Variants in LOC128092252 observed in about 807,000 individuals in gnomAD.
the LOC128092252 span, among the ~76,000 whole-genome samples, chr15:50,680,069 G>A: frequency 1.3e-5 from 2 of 151,606 alleles, no homozygotes; most frequent in East Asian, 3.9e-4. Flanking sequence ...CCCTGTCTCT[G>A]CTAAAAATAC....
At chr15:50,668,341 CTTTAT>C in the LOC128092252 span, among the ~76,000 whole-genome samples, 6 of 152,106 alleles carry the variant, frequency 3.9e-5, no homozygotes, top group African/African-American at 1.2e-4. Context: ...GTCGCTGATC[CTTTAT>C]TTTGTTTTGC....
chr15:50,683,587 A>T, the LOC128092252 span, among the ~76,000 whole-genome samples: 13 of 152,280 alleles, frequency 8.5e-5, no homozygotes, highest in East Asian at 2.3e-3. Flanking sequence ...TACAAAAATT[A>T]GCCGGGTGTG....
At chr15:50,652,529 A>C in the LOC128092252 span, among the ~76,000 whole-genome samples, 1 of 150,954 alleles carries the variant, frequency 6.6e-6, no homozygotes, top group South Asian at 2.1e-4. Flanking sequence ...CTGTCTCAAA[A>C]AAAAAAAAAA....
the LOC128092252 span, among the ~76,000 whole-genome samples, chr15:50,666,475 G>A: frequency 7.3e-4 from 110 of 151,400 alleles, no homozygotes; most frequent in African/African-American, 2.6e-3. Flanking sequence ...GGAGGAAGAG[G>A]AAGAAGAGGA....
At chr15:50,682,173 C>CAAAAAAAAAAAAAAAAAAAAAAAAAAAA in the LOC128092252 span, among the ~76,000 whole-genome samples, 1 of 63,680 alleles carries the variant, frequency 1.6e-5, no homozygotes, top group Non-Finnish European at 2.8e-5. Context: ...AACTCAGTCT[C>CAAAAAAAAAAAAAAAAAAAAAAAAAAAA]AAAAAAAAAA....
chr15:50,675,396 T>C, the LOC128092252 span, among the ~76,000 whole-genome samples: 2 of 152,034 alleles, frequency 1.3e-5, no homozygotes, highest in African/African-American at 4.8e-5. Context: ...TTCACCAATT[T>C]TGTTTATTTC....
chr15:50,657,656 AG>A, the LOC128092252 span: 1 of 792,926 alleles, frequency 1.3e-6, no homozygotes. Context: ...TTCCAAGTCT[AG>A]GTAAAGTACC....
At chr15:50,659,179 C>T in the LOC128092252 span, among the ~76,000 whole-genome samples, 26,984 of 146,884 alleles carry the variant, frequency 0.18, 3,153 homozygotes, top group East Asian at 0.47. Context: ...GATGACAGAG[C>T]GAGACTCCGT....
the LOC128092252 span, chr15:50,648,944 G>T: frequency 7.3e-6 from 10 of 1,362,922 alleles, no homozygotes; most frequent in South Asian, 3.1e-5. Context: ...ATGAAAAAAT[G>T]GAATTAAAAG....
At chr15:50,657,336 A>C in the LOC128092252 span, among the ~76,000 whole-genome samples, 16 of 152,160 alleles carry the variant, frequency 1.1e-4, no homozygotes, top group East Asian at 1.9e-4. Flanking sequence ...AATAATAATA[A>C]TACTAATATA....
At chr15:50,686,672 G>A in the LOC128092252 span, 6 of 1,168,776 alleles carry the variant, frequency 5.1e-6, no homozygotes, top group Non-Finnish European at 7.1e-6. Context: ...AACCTTCTCA[G>A]AACTAACTCA....
the LOC128092252 span, among the ~76,000 whole-genome samples, chr15:50,658,294 C>T: frequency 2.6e-5 from 4 of 152,002 alleles, no homozygotes; most frequent in South Asian, 2.1e-4. Context: ...TGTGAGCCAC[C>T]GCGCCTGGCA....
chr15:50,648,971 T>A, the LOC128092252 span: 1 of 987,758 alleles, frequency 1.0e-6, no homozygotes, highest in Non-Finnish European at 1.4e-6. Flanking sequence ...AACCGACAAA[T>A]ATAAGCTTTA....
the LOC128092252 span, among the ~76,000 whole-genome samples, chr15:50,667,602 G>A: frequency 6.6e-6 from 1 of 152,136 alleles, no homozygotes; most frequent in African/African-American, 2.4e-5. Flanking sequence ...AGCTGCTAGG[G>A]AAGCTGAGGC....
the LOC128092252 span, among the ~76,000 whole-genome samples, chr15:50,678,250 AACAAAAAC>A: frequency 8.0e-6 from 1 of 125,650 alleles, no homozygotes; most frequent in African/African-American, 3.0e-5. Flanking sequence ...AAAAAAAAAA[AACAAAAAC>A]AAAAACAAAA....
At chr15:50,654,453 A>T in the LOC128092252 span, among the ~76,000 whole-genome samples, 1 of 151,400 alleles carries the variant, frequency 6.6e-6, no homozygotes, top group Non-Finnish European at 1.5e-5. Flanking sequence ...TCTCAAAAAA[A>T]TAAAAAAATA....
the LOC128092252 span, among the ~76,000 whole-genome samples, chr15:50,665,307 C>T: frequency 6.6e-6 from 1 of 151,330 alleles, no homozygotes; most frequent in Non-Finnish European, 1.5e-5. Context: ...TGAGGCAGAA[C>T]TGCTTGAACC....
the LOC128092252 span, among the ~76,000 whole-genome samples, chr15:50,682,464 G>C: frequency 6.6e-6 from 1 of 151,644 alleles, no homozygotes; most frequent in Non-Finnish European, 1.5e-5. Context: ...TGTAATCCCA[G>C]CTACTAGAGG....
the LOC128092252 span, among the ~76,000 whole-genome samples, chr15:50,659,221 A>G: frequency 6.6e-6 from 1 of 151,924 alleles, no homozygotes; most frequent in African/African-American, 2.4e-5. Context: ...AGAACAAACT[A>G]GTGATCGCCA....
Sources: allele counts gnomAD v4.1 joint callset (sites outside exome capture counted in the v4.1 genomes callset), GRCh38; gene constraint gnomAD v4.1.1; transcripts MANE v1.5.